Variants in SLC8A1 observed in about 807,000 individuals in gnomAD.
SLC8A1 encodes solute carrier family 8 member A1.
In SLC8A1, 18 loss-of-function variants were observed where a neutral mutation model predicts 68.3. That is an observed-to-expected ratio of 0.26 (90% CI 0.18 to 0.39). SLC8A1 has a LOEUF of 0.39. Among genes scored for constraint, SLC8A1 ranks in the 10% least tolerant of loss-of-function variants. The pLI is 1.00. For synonymous variants in SLC8A1, 475 were observed against 415.5 expected (o/e 1.14, Z -1.74); for missense variants, 985 against 1,156.7 (o/e 0.85, Z 2.15).
At chr2:40,495,592 G>C (rs1018013760) in intron 1 of SLC8A1, among the ~76,000 whole-genome samples, 3 of 152,014 alleles carry the variant, frequency 2.0e-5, no homozygotes, top group Non-Finnish European at 4.4e-5. Flanking sequence ...CACGAACAAT[G>C]AGAACTTCGT....
At chr2:40,173,239 G>C (rs1180652915) in intron 4 of SLC8A1, among the ~76,000 whole-genome samples, 1 of 152,104 alleles carries the variant, frequency 6.6e-6, no homozygotes, top group Non-Finnish European at 1.5e-5. Flanking sequence ...GTGTTTACAA[G>C]GGGACTTCAA....
intron 2 of SLC8A1, among the ~76,000 whole-genome samples, chr2:40,375,532 T>C (rs941771426): frequency 3.9e-5 from 6 of 152,136 alleles, no homozygotes; most frequent in African/African-American, 1.2e-4. Flanking sequence ...TACCATAAAG[T>C]CCTCATTAAA....
At chr2:40,317,699 C>T (rs930098701) in intron 2 of SLC8A1, among the ~76,000 whole-genome samples, 5 of 152,006 alleles carry the variant, frequency 3.3e-5, no homozygotes, top group African/African-American at 1.2e-4. Context: ...AATTAGGACA[C>T]ACAATTCCTC....
At chr2:40,139,724 G>A (rs749694686) in intron 6 of SLC8A1, 48 bp from the exon 10 acceptor site, 1 of 1,576,212 alleles carries the variant, frequency 6.3e-7, no homozygotes, top group African/African-American at 1.3e-5. Context: ...TGTGTTGCCG[G>A]GTCTTCCTCT....
chr2:40,123,616 C>A (rs1457583415), intron 7 of SLC8A1, among the ~76,000 whole-genome samples: 1 of 152,136 alleles, frequency 6.6e-6, no homozygotes, highest in Non-Finnish European at 1.5e-5. Context: ...CTGGAATGAA[C>A]TTGCTTTTAA....
intron 1 of SLC8A1, among the ~76,000 whole-genome samples, chr2:40,438,909 C>T (rs1195142828): frequency 6.6e-6 from 1 of 152,100 alleles, no homozygotes; most frequent in East Asian, 1.9e-4. Flanking sequence ...AGGAACAGCA[C>T]ACAGGGCATG....
chr2:40,184,764 C>G (rs1292019462), intron 2 of SLC8A1, among the ~76,000 whole-genome samples: 1 of 152,002 alleles, frequency 6.6e-6, no homozygotes. Flanking sequence ...AAGACCTGAC[C>G]CAGGACTGAC....
chr2:40,257,526 C>T (rs1261399562), intron 2 of SLC8A1, among the ~76,000 whole-genome samples: 1 of 151,602 alleles, frequency 6.6e-6, no homozygotes, highest in African/African-American at 2.4e-5. Context: ...TGACTGATTA[C>T]AGAGATAGCT....
At chr2:40,121,902 A>T (rs772304163) in intron 7 of SLC8A1, among the ~76,000 whole-genome samples, 5 of 152,182 alleles carry the variant, frequency 3.3e-5, no homozygotes, top group Non-Finnish European at 5.9e-5. Flanking sequence ...TGAAAATTTC[A>T]TACAACCAAA....
intron 2 of SLC8A1, among the ~76,000 whole-genome samples, chr2:40,381,750 T>C (rs762470980): frequency 6.6e-5 from 10 of 151,256 alleles, no homozygotes; most frequent in Admixed American, 4.6e-4. Flanking sequence ...AAACCAACCA[T>C]TGGGCCTCCT....
chr2:40,106,349 G>C (rs2034197979), exon 8 of SLC8A1: 1 of 152,150 alleles, frequency 6.6e-6, no homozygotes, highest in African/African-American at 2.4e-5. Context: ...GACCAACCTG[G>C]AAAGAGCTCC....
chr2:40,282,675 G>A (rs112061488), intron 2 of SLC8A1, among the ~76,000 whole-genome samples: 4 of 152,062 alleles, frequency 2.6e-5, no homozygotes, highest in East Asian at 1.9e-4. Flanking sequence ...TTTTGGGGCC[G>A]GGGAGGAATC....
At chr2:40,501,331 T>C (rs1379094523) in intron 1 of SLC8A1, among the ~76,000 whole-genome samples, 1 of 152,110 alleles carries the variant, frequency 6.6e-6, no homozygotes, top group East Asian at 1.9e-4. Flanking sequence ...GTTGTATTTA[T>C]GTACTCTTTG....
chr2:40,177,712 G>C (rs749616370), intron 3 of SLC8A1: 33 of 1,240,426 alleles, frequency 2.7e-5, no homozygotes, highest in Non-Finnish European at 3.8e-5. Context: ...AGAGAGAAGA[G>C]TACAATTTCT....
Position 40,270,015 on chromosome 2 carries a change from C to G in SLC8A1, c.1809-92160G>C, listed in dbSNP as rs183362901. On this transcript the variant is annotated intron_variant, in intron 2 of 7. Coordinates refer to ENST00000406785, the Ensembl canonical transcript of SLC8A1. The stretch of plus-strand genomic sequence containing the variant: ...CTCCTTAATTAAGATAATCAAAATC[C>G]CTAGTCTAGAGTGGGCAACTGTACA... 4.4e-3 allele frequency among the ~76,000 whole-genome samples: 667 copies of G among 152,072 alleles called. 3 individuals carry two copies. Among genetic ancestry groups the G allele is most frequent in the Non-Finnish European group, 6.5e-3 (440 of 67,986 alleles).
chr2:40,400,898 G>C (rs1287546266), intron 2 of SLC8A1, among the ~76,000 whole-genome samples: 1 of 152,150 alleles, frequency 6.6e-6, no homozygotes, highest in Non-Finnish European at 1.5e-5. Context: ...AATGGGCAGG[G>C]AGCAGTAAAC....
intron 2 of SLC8A1, among the ~76,000 whole-genome samples, chr2:40,407,252 G>C (rs1456548699): frequency 6.6e-6 from 1 of 152,280 alleles, no homozygotes; most frequent in South Asian, 2.1e-4. Flanking sequence ...TTTTAGTAGA[G>C]ACAGGGTTTC....
intron 2 of SLC8A1, among the ~76,000 whole-genome samples, chr2:40,268,622 C>A (rs947186598): frequency 4.6e-5 from 7 of 152,094 alleles, no homozygotes; most frequent in Non-Finnish European, 2.9e-5. Flanking sequence ...TTAATCAAAC[C>A]ATCTGAAATC....
At position 40,382,464 on chromosome 2, in the gene SLC8A1, T is replaced by C. The variant is rs573159294; in HGVS notation, c.1808+46009A>G. Among the ~76,000 whole-genome samples, 4 of 152,260 alleles carry C rather than the reference T, an allele frequency of 2.6e-5. No individual in the cohort carries two copies. The South Asian group carries it at 6.2e-4, about 24-fold the overall frequency. On this transcript the variant is annotated intron_variant, in intron 2 of 7. Transcript: ENST00000406785. ...ATTTCCATAATTTGATTAAATATTA[T>C]TCAAATCAATAAAATATGAGTGTTT...
Sources: allele counts gnomAD v4.1 joint callset (sites outside exome capture counted in the v4.1 genomes callset), GRCh38; gene constraint gnomAD v4.1.1; transcripts MANE v1.5; gene names NCBI Gene and HGNC (gene_info 2026-07-23, HGNC 2026-07-21).